Variants in MACO1 observed in about 807,000 individuals in gnomAD.
MACO1 encodes the protein macoilin 1.
Under a neutral mutation model 78.7 loss-of-function variants are expected in MACO1, and 14 were observed. That is an observed-to-expected ratio of 0.18 (90% CI 0.12 to 0.28). The LOEUF is 0.28. Ranked by LOEUF, MACO1 falls within the 10% of genes least tolerant of loss-of-function variation. MACO1 has a pLI of 1.00. For missense variants in MACO1, 501 were observed against 799.0 expected (o/e 0.63, Z 4.50); for synonymous variants, 288 against 291.6 (o/e 0.99, Z 0.12).
At chr1:25,473,527 T>G (rs72660956) in intron 6 of MACO1, among the ~76,000 whole-genome samples, 15,001 of 152,252 alleles carry the variant, frequency 0.099, 1,051 homozygotes, top group Non-Finnish European at 0.15. Context: ...GTTCATTCTA[T>G]CAAAACTGAT....
chr1:25,489,086 G>C, intron 8 of MACO1, 87 bp from the exon 9 acceptor site: 1 of 1,480,928 alleles, frequency 6.8e-7, no homozygotes, highest in East Asian at 2.5e-5. Context: ...CTCCCAAAGT[G>C]CTGGGATTAC....
chr1:25,479,384 A>G lies in MACO1; in HGVS notation c.1155-4732A>G, dbSNP rs573452782. Among the ~76,000 whole-genome samples, 73 of 152,212 alleles carry G rather than the reference A, an allele frequency of 4.8e-4. 2 individuals are homozygous for G. The highest frequency in any genetic ancestry group is 5.6e-4 in the Non-Finnish European group (38 of 68,000). On this transcript the variant is annotated intron_variant, in intron 6 of 10. Transcript: ENST00000374343. ...GTTTAATAAATGCTTCTAGCACTCA[A>G]CTATCTTGATTCAGTTCAATTTGCT...
chr1:25,471,655 C>T lies in MACO1; in HGVS notation c.1155-12461C>T, dbSNP rs74749951. 9.3e-3 allele frequency among the ~76,000 whole-genome samples: 1,410 copies of T among 152,248 alleles called. 20 individuals are homozygous for T. Among genetic ancestry groups the T allele is most frequent in the African/African-American group, 0.031 (1,291 of 41,540 alleles). On this transcript the variant is annotated intron_variant, in intron 6 of 10. Coordinates refer to ENST00000374343, the MANE Select transcript of MACO1 (RefSeq NM_018202.6). ...ATGCTACCTTTGTGCAGGGAAAATA[C>T]TAGGAAGCAGGGAGGGTGGCACCCA...
chr1:25,482,712 G>A (rs2043391339), intron 6 of MACO1, among the ~76,000 whole-genome samples: 1 of 152,160 alleles, frequency 6.6e-6, no homozygotes, highest in African/African-American at 2.4e-5. Flanking sequence ...TGGCCTAATG[G>A]TGAAGAGAAT....
At chr1:25,448,597 A>G (rs970464297) in intron 2 of MACO1, among the ~76,000 whole-genome samples, 27 of 152,336 alleles carry the variant, frequency 1.8e-4, no homozygotes, top group Admixed American at 1.6e-3. Context: ...AGGACCATAA[A>G]GTACTAGTAT....
At chr1:25,459,814 C>T (rs1436826758) in intron 6 of MACO1, among the ~76,000 whole-genome samples, 3 of 152,090 alleles carry the variant, frequency 2.0e-5, no homozygotes, top group Non-Finnish European at 4.4e-5. Context: ...TTGACTGGCT[C>T]AGACTTAATT....
Position 25,430,994 on chromosome 1 carries a change from C to T in MACO1, c.-105C>T, listed in dbSNP as rs1389537075. 3 of 694,306 alleles carry T rather than the reference C, an allele frequency of 4.3e-6. No individual in the cohort carries two copies. The highest frequency in any genetic ancestry group is 3.9e-5 in the African/African-American group (2 of 50,830). The allele number at this position is 694,306 out of a possible 1,614,324, so 43.0% of individuals were successfully genotyped here. A position where few individuals can be genotyped will look rare whatever the true frequency, so the allele number is the denominator to read the frequency against. ...GCTGGCTCCATGTCTGTGTGACCGG[C>T]CTCAGGGGTAGAGTCCAGGCCCGAC... On this transcript the variant is annotated 5_prime_UTR_variant, in exon 1 of 11. Transcript: ENST00000374343.
intron 1 of MACO1, among the ~76,000 whole-genome samples, chr1:25,438,076 T>G (rs1369569664): frequency 6.6e-6 from 1 of 152,196 alleles, no homozygotes; most frequent in African/African-American, 2.4e-5. Context: ...TAGTATAACA[T>G]TTTTATAAAG....
intron 10 of MACO1, among the ~76,000 whole-genome samples, chr1:25,492,512 G>A (rs185041316): frequency 5.3e-5 from 8 of 152,162 alleles, no homozygotes; most frequent in Non-Finnish European, 8.8e-5. Context: ...TGAAAAGCCC[G>A]GCAGGGGGAG....
At chr1:25,477,694 G>C (rs1039008470) in intron 6 of MACO1, among the ~76,000 whole-genome samples, 2 of 152,274 alleles carry the variant, frequency 1.3e-5, no homozygotes, top group African/African-American at 4.8e-5. Flanking sequence ...GATTCCTGGG[G>C]AAATTTACTG....
At chr1:25,467,702 A>G (rs1413347697) in intron 6 of MACO1, among the ~76,000 whole-genome samples, 2 of 151,172 alleles carry the variant, frequency 1.3e-5, no homozygotes, top group Admixed American at 6.6e-5. Flanking sequence ...AGTACCATTT[A>G]ATAAAACTGA....
In MACO1 at chr1:25,467,765, C is replaced by G. The variant is rs572477436; in HGVS notation, c.1154+8873C>G. ...TTTTTTTTTTGCAAGTAGAAGAGAT[C>G]TAAGAGCTATCTAGACCAGCTTCCT... On this transcript the variant is annotated intron_variant, in intron 6 of 10. Coordinates refer to ENST00000374343, the MANE Select transcript of MACO1 (RefSeq NM_018202.6). Among the ~76,000 whole-genome samples, 11 of 141,164 alleles carry G rather than the reference C, an allele frequency of 7.8e-5. No individual in the cohort carries two copies. The East Asian group carries it at 2.3e-3, about 29-fold the overall frequency. 92.6% of individuals were successfully genotyped at this position (141,164 alleles called of 152,430 possible).
chr1:25,455,406 C>T (rs1184033626), intron 4 of MACO1, among the ~76,000 whole-genome samples: 1 of 152,052 alleles, frequency 6.6e-6, no homozygotes. Context: ...CCAAAATAAA[C>T]AGTAATCAAC....
intron 10 of MACO1, among the ~76,000 whole-genome samples, chr1:25,492,806 A>G (rs1351302276): frequency 6.6e-6 from 1 of 152,230 alleles, no homozygotes; most frequent in African/African-American, 2.4e-5. Context: ...AGAGTACTCT[A>G]TAGAGTACTA....
At chr1:25,443,937 C>T (rs2042993256) in intron 1 of MACO1, among the ~76,000 whole-genome samples, 1 of 137,784 alleles carries the variant, frequency 7.3e-6, no homozygotes, top group African/African-American at 2.7e-5. Flanking sequence ...ATTTCCATGC[C>T]CTTTTTTTTT....
chr1:25,434,729 G>A (rs895034909), intron 1 of MACO1, among the ~76,000 whole-genome samples: 2 of 152,130 alleles, frequency 1.3e-5, no homozygotes, highest in African/African-American at 4.8e-5. Context: ...TAAAAATTAT[G>A]AACATAAGTT....
intron 3 of MACO1, among the ~76,000 whole-genome samples, chr1:25,453,638 G>C (rs1313258890): frequency 6.9e-6 from 1 of 145,642 alleles, no homozygotes; most frequent in Non-Finnish European, 1.5e-5. Context: ...ACTCCAGCCT[G>C]GGCGACAGAG....
At chr1:25,465,328 A>G (rs1266469510) in intron 6 of MACO1, among the ~76,000 whole-genome samples, 1 of 152,238 alleles carries the variant, frequency 6.6e-6, no homozygotes, top group African/African-American at 2.4e-5. Context: ...TCCAAGGAGC[A>G]CAGTTGCTGG....
At chr1:25,469,615 C>T (rs1203901888) in intron 6 of MACO1, among the ~76,000 whole-genome samples, 1 of 150,896 alleles carries the variant, frequency 6.6e-6, no homozygotes, top group Non-Finnish European at 1.5e-5. Flanking sequence ...GCATTTAATA[C>T]TGCTGTGTAA....
Sources: allele counts gnomAD v4.1 joint callset (sites outside exome capture counted in the v4.1 genomes callset), GRCh38; gene constraint gnomAD v4.1.1; transcripts MANE v1.5; gene names NCBI Gene and HGNC (gene_info 2026-07-23, HGNC 2026-07-21).